The following HS3ST4 variants were observed in gnomAD, a reference collection of about 807,000 sequenced individuals.
The protein encoded by HS3ST4 is heparan sulfate glucosamine 3-O-sulfotransferase 4.
In HS3ST4, 17 loss-of-function variants were observed where a neutral mutation model predicts 29.2. The ratio of observed to expected loss-of-function variants is 0.58; its 90% CI spans 0.40 to 0.87. The LOEUF is 0.87. Ranked by LOEUF, HS3ST4 falls within the 40% of genes least tolerant of loss-of-function variation. HS3ST4 has a pLI of 0.00. For missense variants in HS3ST4, 627 were observed against 634.5 expected, an observed-to-expected ratio of 0.99 and a Z score of 0.13; for synonymous variants, 314 against 285.7, an observed-to-expected ratio of 1.10 and a Z score of -1.00.
chr16:25,832,443 G>C (rs1209486551), intron 1 of HS3ST4, among the ~76,000 whole-genome samples: 4 of 152,196 alleles, frequency 2.6e-5, no homozygotes, highest in African/African-American at 9.7e-5. Flanking sequence ...TAATTGAAAA[G>C]CACACAATGG....
intron 1 of HS3ST4, among the ~76,000 whole-genome samples, chr16:25,709,172 A>C (rs1966398974): frequency 6.6e-6 from 1 of 151,492 alleles, no homozygotes; most frequent in Non-Finnish European, 1.5e-5. Context: ...CAGATGGTTG[A>C]CTGAGTTCTC....
At chr16:26,129,082 G>A (rs935769088) in intron 1 of HS3ST4, among the ~76,000 whole-genome samples, 6 of 152,172 alleles carry the variant, frequency 3.9e-5, no homozygotes, top group African/African-American at 1.4e-4. Context: ...TCTAATCCGG[G>A]TGATTGCTTT....
chr16:25,917,577 T>C (rs998467867), intron 1 of HS3ST4, among the ~76,000 whole-genome samples: 13 of 152,044 alleles, frequency 8.6e-5, no homozygotes, highest in Non-Finnish European at 1.8e-4. Context: ...CTATGTGGAG[T>C]GAGTAAGTGT....
At chr16:25,867,346 G>A (rs1190603671) in intron 1 of HS3ST4, among the ~76,000 whole-genome samples, 4 of 152,138 alleles carry the variant, frequency 2.6e-5, no homozygotes, top group Non-Finnish European at 5.9e-5. Flanking sequence ...AGCAGCAAAT[G>A]TAGCCATTTC....
chr16:25,842,800 G>A (rs1967429289), intron 1 of HS3ST4, among the ~76,000 whole-genome samples: 1 of 152,152 alleles, frequency 6.6e-6, no homozygotes, highest in Non-Finnish European at 1.5e-5. Context: ...TGAGTGTGCA[G>A]ATGTACTGGC....
intron 1 of HS3ST4, among the ~76,000 whole-genome samples, chr16:25,838,169 G>T (rs1374130711): frequency 6.6e-6 from 1 of 152,194 alleles, no homozygotes; most frequent in African/African-American, 2.4e-5. Context: ...AAATATGCTG[G>T]AATCGTGTAT....
At chr16:26,033,016 A>G (rs370494833) in intron 1 of HS3ST4, among the ~76,000 whole-genome samples, 1 of 152,060 alleles carries the variant, frequency 6.6e-6, no homozygotes, top group African/African-American at 2.4e-5. Context: ...CTTTACATCC[A>G]TGGGAGGGTA....
chr16:25,899,497 T>G lies in HS3ST4; in HGVS notation c.734+206346T>G, dbSNP rs1168683216. ...AGGACAGGTATGCTGATTGAACTCC[T>G]TTTTAAATTTTTTTTTTTTAATTTT... On this transcript the variant is annotated intron_variant, in intron 1 of 1. Transcript: ENST00000331351. Among the ~76,000 whole-genome samples, 4 of 85,746 alleles carry G rather than the reference T, an allele frequency of 4.7e-5. No homozygotes were observed. The East Asian group carries it at 1.3e-3, about 27-fold the overall frequency. The allele number at this position is 85,746 out of a possible 152,430, so 56.3% of individuals were successfully genotyped here.
intron 1 of HS3ST4, among the ~76,000 whole-genome samples, chr16:25,772,163 T>C (rs1966843292): frequency 6.6e-6 from 1 of 152,204 alleles, no homozygotes; most frequent in African/African-American, 2.4e-5. Context: ...TATTGTAGAG[T>C]ATTCTTGTCA....
At chr16:25,897,252 G>A (rs1968075669) in intron 1 of HS3ST4, among the ~76,000 whole-genome samples, 1 of 152,072 alleles carries the variant, frequency 6.6e-6, no homozygotes, top group South Asian at 2.1e-4. Flanking sequence ...TCAGGAGTTC[G>A]AGACCAGTCT....
chr16:26,013,221 A>G (rs1969327723), intron 1 of HS3ST4, among the ~76,000 whole-genome samples: 1 of 151,998 alleles, frequency 6.6e-6, no homozygotes, highest in African/African-American at 2.4e-5. Context: ...AACAAAACAA[A>G]CAGAAGAACA....
chr16:25,946,059 G>T (rs1164607845), intron 1 of HS3ST4, among the ~76,000 whole-genome samples: 1 of 152,106 alleles, frequency 6.6e-6, no homozygotes, highest in Admixed American at 6.6e-5. Flanking sequence ...CTATGAAGGG[G>T]CTTAAACAGT....
intron 1 of HS3ST4, among the ~76,000 whole-genome samples, chr16:25,865,922 T>A (rs559428973): frequency 7.2e-5 from 11 of 152,234 alleles, no homozygotes; most frequent in East Asian, 3.9e-4. Context: ...CAAATTTTTT[T>A]AAAAATATAA....
chr16:26,102,628 T>A (rs1252555838), intron 1 of HS3ST4, among the ~76,000 whole-genome samples: 2 of 152,188 alleles, frequency 1.3e-5, no homozygotes, highest in East Asian at 3.8e-4. Flanking sequence ...ATCCCACAAT[T>A]GCCATGCATT....
chr16:25,864,119 T>C (rs1016547738), intron 1 of HS3ST4, among the ~76,000 whole-genome samples: 3 of 152,364 alleles, frequency 2.0e-5, no homozygotes, highest in Middle Eastern at 3.4e-3. Flanking sequence ...CAGGCTGGGC[T>C]AGGGCCCACC....
Position 26,101,741 on chromosome 16 carries a change from T to C in HS3ST4, c.735-33871T>C, listed in dbSNP as rs537849053. On this transcript the variant is annotated intron_variant, in intron 1 of 1. Coordinates refer to ENST00000331351, the MANE Select transcript of HS3ST4 (RefSeq NM_006040.3). ...ATGAACTTTTTCCATCCATCTGGAA[T>C]AGATGATGGTTGAATGAATAGATGG... Among the ~76,000 whole-genome samples the C allele has an allele frequency of 2.6e-5, 4 of 152,324 alleles. No individual in the cohort carries two copies. The South Asian group carries it at 8.3e-4, about 32-fold the overall frequency.
intron 1 of HS3ST4, among the ~76,000 whole-genome samples, chr16:26,016,030 C>G (rs1264251141): frequency 6.6e-6 from 1 of 152,148 alleles, no homozygotes; most frequent in Non-Finnish European, 1.5e-5. Context: ...CTTCCTCCAA[C>G]AGCAAAGAGA....
chr16:25,849,515 T>A (rs1435835892), intron 1 of HS3ST4, among the ~76,000 whole-genome samples: 1 of 152,180 alleles, frequency 6.6e-6, no homozygotes, highest in Non-Finnish European at 1.5e-5. Context: ...TATTTTTATT[T>A]TTCAGACAGG....
intron 1 of HS3ST4, among the ~76,000 whole-genome samples, chr16:25,960,624 C>T (rs1183724156): frequency 6.6e-6 from 1 of 152,176 alleles, no homozygotes; most frequent in East Asian, 1.9e-4. Context: ...GTCTAAGTTA[C>T]ATGTCCACTT....
Sources: allele counts gnomAD v4.1 joint callset (sites outside exome capture counted in the v4.1 genomes callset), GRCh38; gene constraint gnomAD v4.1.1; transcripts MANE v1.5; gene names NCBI Gene and HGNC (gene_info 2026-07-23, HGNC 2026-07-21).